The following SLC24A2 variants were observed in gnomAD, a reference collection of about 807,000 sequenced individuals.
The protein encoded by SLC24A2 is sodium/potassium/calcium exchanger 2.
Under a neutral mutation model 62.0 loss-of-function variants are expected in SLC24A2, and 36 were observed. The ratio of observed to expected loss-of-function variants is 0.58; its 90% CI spans 0.44 to 0.77. The LOEUF (loss-of-function observed/expected upper bound fraction) is 0.77. Ranked by LOEUF, SLC24A2 falls within the 30% of genes least tolerant of loss-of-function variation. The probability of loss-of-function intolerance (pLI) is 0.00; values close to 1 mark genes in which losing one functional copy is unlikely to be tolerated. For synonymous variants in SLC24A2, 358 were observed against 294.0 expected (o/e 1.22, Z -2.23); for missense variants, 846 against 817.9 (o/e 1.03, Z -0.42).
At chr9:20,071,370 T>C in the SLC24A2 span, among the ~76,000 whole-genome samples, 1 of 152,198 alleles carries the variant, frequency 6.6e-6, no homozygotes, top group African/African-American at 2.4e-5. Flanking sequence ...CCATCATTAC[T>C]ACCATGAACA....
chr9:19,608,175 A>G (rs1194034587), intron 4 of SLC24A2, among the ~76,000 whole-genome samples: 2 of 152,228 alleles, frequency 1.3e-5, no homozygotes, highest in Non-Finnish European at 2.9e-5. Flanking sequence ...ACATCTTGGT[A>G]GTATAAGCTG....
the SLC24A2 span, among the ~76,000 whole-genome samples, chr9:19,990,518 G>C: frequency 6.6e-6 from 1 of 151,718 alleles, no homozygotes; most frequent in African/African-American, 2.4e-5. Context: ...GGATGAGGCA[G>C]GGGAATCACT....
chr9:19,981,829 G>T, the SLC24A2 span, among the ~76,000 whole-genome samples: 82 of 152,150 alleles, frequency 5.4e-4, no homozygotes, highest in African/African-American at 1.9e-3. Flanking sequence ...CTGCTTGCAT[G>T]GTGTCTATTA....
At chr9:19,859,044 C>A in the SLC24A2 span, among the ~76,000 whole-genome samples, 1 of 152,218 alleles carries the variant, frequency 6.6e-6, no homozygotes, top group African/African-American at 2.4e-5. Flanking sequence ...AAGACACATG[C>A]ATACATGTTC....
At chr9:19,547,899 C>A (rs1196675274) in intron 8 of SLC24A2, among the ~76,000 whole-genome samples, 1 of 151,630 alleles carries the variant, frequency 6.6e-6, no homozygotes, top group Non-Finnish European at 1.5e-5. Flanking sequence ...TGGTGTGAGC[C>A]AAGAAAAATC....
chr9:19,980,789 C>T, the SLC24A2 span, among the ~76,000 whole-genome samples: 2 of 152,106 alleles, frequency 1.3e-5, no homozygotes, highest in African/African-American at 2.4e-5. Flanking sequence ...CCCATCAGGA[C>T]AAAATTGTTG....
the SLC24A2 span, among the ~76,000 whole-genome samples, chr9:19,885,677 G>A: frequency 6.6e-6 from 1 of 152,202 alleles, no homozygotes; most frequent in East Asian, 1.9e-4. Flanking sequence ...TGGGGGTTTG[G>A]TGTACAGATA....
At chr9:20,192,726 G>A in the SLC24A2 span, among the ~76,000 whole-genome samples, 15 of 152,254 alleles carry the variant, frequency 9.9e-5, no homozygotes, top group African/African-American at 3.6e-4. Flanking sequence ...AAACTGCATT[G>A]AAATCTCTGG....
the SLC24A2 span, among the ~76,000 whole-genome samples, chr9:20,166,716 T>G: frequency 6.6e-6 from 1 of 151,976 alleles, no homozygotes; most frequent in Non-Finnish European, 1.5e-5. Context: ...GGAGGATACT[T>G]CTCTGGATAT....
chr9:19,882,774 A>G, the SLC24A2 span, among the ~76,000 whole-genome samples: 2 of 152,174 alleles, frequency 1.3e-5, no homozygotes, highest in African/African-American at 4.8e-5. Flanking sequence ...ATTTAGCTCA[A>G]TGATTCAAAT....
At chr9:19,960,931 A>G in the SLC24A2 span, among the ~76,000 whole-genome samples, 1 of 152,054 alleles carries the variant, frequency 6.6e-6, no homozygotes, top group African/African-American at 2.4e-5. Flanking sequence ...TATATCTATT[A>G]TTATTGCCCA....
chr9:20,288,224 G>A, the SLC24A2 span, among the ~76,000 whole-genome samples: 7 of 152,136 alleles, frequency 4.6e-5, no homozygotes, highest in Admixed American at 4.6e-4. Context: ...AGTATTTTCT[G>A]CATCTGCCTG....
chr9:20,198,187 T>A, the SLC24A2 span, among the ~76,000 whole-genome samples: 4 of 152,148 alleles, frequency 2.6e-5, no homozygotes, highest in African/African-American at 7.2e-5. Flanking sequence ...CAGCACAATT[T>A]GGGGAAAGGA....
the SLC24A2 span, among the ~76,000 whole-genome samples, chr9:20,138,203 A>C: frequency 6.6e-6 from 1 of 152,210 alleles, no homozygotes; most frequent in Non-Finnish European, 1.5e-5. Context: ...TGGTAAAACT[A>C]GGCTTCATTT....
chr9:19,835,341 C>G, the SLC24A2 span, among the ~76,000 whole-genome samples: 6 of 152,122 alleles, frequency 3.9e-5, no homozygotes, highest in African/African-American at 1.4e-4. Context: ...ATCACACATG[C>G]AGAGACACAC....
At chr9:19,768,240 A>T (rs918031779) in intron 2 of SLC24A2, among the ~76,000 whole-genome samples, 1 of 152,156 alleles carries the variant, frequency 6.6e-6, no homozygotes, top group Non-Finnish European at 1.5e-5. Context: ...TCCAGCTTCC[A>T]TCCCCATTTG....
At chr9:19,525,621 C>T (rs145688460) in intron 9 of SLC24A2, among the ~76,000 whole-genome samples, 153 of 151,722 alleles carry the variant, frequency 1.0e-3, no homozygotes, top group African/African-American at 3.6e-3. Flanking sequence ...CCAGGCTGAT[C>T]TCGAACTCCT....
chr9:20,005,761 C>A, the SLC24A2 span, among the ~76,000 whole-genome samples: 1 of 150,490 alleles, frequency 6.6e-6, no homozygotes, highest in African/African-American at 2.4e-5. Context: ...ATGCTGAAGC[C>A]AAAGGCCAGT....
At chr9:19,977,224 A>C in the SLC24A2 span, among the ~76,000 whole-genome samples, 5 of 152,024 alleles carry the variant, frequency 3.3e-5, no homozygotes, top group East Asian at 9.6e-4. Flanking sequence ...TAAAGGGTAC[A>C]TGTTAGCTCC....
Sources: gnomAD v4.1 joint callset for allele counts (sites outside exome capture counted in the v4.1 genomes callset) on GRCh38, gnomAD v4.1.1 for gene constraint, MANE v1.5 for transcripts, NCBI Gene and HGNC (gene_info 2026-07-23, HGNC 2026-07-21) for gene names.